The following KSR2 variants were observed in gnomAD, a reference collection of about 807,000 sequenced individuals.
The protein encoded by KSR2 is kinase suppressor of ras 2.
In KSR2, 25 loss-of-function variants were observed where a neutral mutation model predicts 107.8. That is an observed-to-expected ratio of 0.23 (90% CI 0.17 to 0.32). The LOEUF (loss-of-function observed/expected upper bound fraction) is 0.32, where lower values mean the gene tolerates loss of function less well. Ranked by LOEUF, KSR2 falls within the 10% of genes least tolerant of loss-of-function variation. The pLI is 1.00. For synonymous variants in KSR2, 480 were observed against 507.0 expected, an observed-to-expected ratio of 0.95 and a Z score of 0.71; for missense variants, 887 against 1,268.9, an observed-to-expected ratio of 0.70 and a Z score of 4.57.
chr12:117,779,928 T>C lies in KSR2; in HGVS notation c.473-18404A>G, dbSNP rs546350104. On this transcript the variant is annotated intron_variant, in intron 3 of 19. Coordinates refer to ENST00000339824, the MANE Select transcript of KSR2 (RefSeq NM_173598.6). ...ATTCTCTTCCCTTCCCCAGGCAGAA[T>C]GTGTGCATGCATCTTTTGATCAGAC... Among the ~76,000 whole-genome samples the C allele has an allele frequency of 3.9e-5, 6 of 152,326 alleles. No homozygotes were observed. The East Asian group carries it at 1.2e-3, about 29-fold the overall frequency.
intron 3 of KSR2, among the ~76,000 whole-genome samples, chr12:117,840,527 C>A (rs1892424572): frequency 6.6e-6 from 1 of 152,136 alleles, no homozygotes. Flanking sequence ...TCTCAAGTAA[C>A]TGGGACTATT....
intron 9 of KSR2, among the ~76,000 whole-genome samples, chr12:117,553,071 T>A (rs1361340703): frequency 6.6e-6 from 1 of 152,224 alleles, no homozygotes; most frequent in Non-Finnish European, 1.5e-5. Flanking sequence ...AACAGCCCCA[T>A]TTTACCTACG....
intron 4 of KSR2, among the ~76,000 whole-genome samples, chr12:117,760,299 G>T (rs1027825574): frequency 1.3e-5 from 2 of 152,068 alleles, no homozygotes; most frequent in African/African-American, 4.8e-5. Context: ...CCCCCAAAGG[G>T]GTCCTCTGTC....
At chr12:117,547,423 G>A (rs900277494) in intron 9 of KSR2, among the ~76,000 whole-genome samples, 2 of 152,130 alleles carry the variant, frequency 1.3e-5, no homozygotes, top group Non-Finnish European at 2.9e-5. Context: ...ACCTCAGCAG[G>A]TGTGGGAGGG....
At chr12:117,761,704 T>C (rs1451688067) in intron 3 of KSR2, among the ~76,000 whole-genome samples, 180 bp from the exon 4 acceptor site, 3 of 152,156 alleles carry the variant, frequency 2.0e-5, no homozygotes, top group African/African-American at 4.8e-5. Context: ...TTATATCTTA[T>C]GCACATTATA....
At chr12:117,817,221 A>T (rs140616301) in intron 3 of KSR2, among the ~76,000 whole-genome samples, 1 of 152,326 alleles carries the variant, frequency 6.6e-6, no homozygotes, top group African/African-American at 2.4e-5. Context: ...CTTCCTCCGG[A>T]AAATAAAGTT....
chr12:117,955,843 A>G (rs1270424799), intron 1 of KSR2, among the ~76,000 whole-genome samples: 1 of 119,436 alleles, frequency 8.4e-6, no homozygotes, highest in Non-Finnish European at 2.0e-5. Flanking sequence ...ATTTTCTAGT[A>G]GCCTCAGGGG....
chr12:117,466,778 T>C lies in KSR2; in HGVS notation c.*421A>G, dbSNP rs1011358638. 1.8e-5 allele frequency: 3 copies of C among 169,626 alleles called. No individual in the cohort carries two copies. Among genetic ancestry groups the C allele is most frequent in the Non-Finnish European group, 3.8e-5 (3 of 79,570 alleles). 10.5% of individuals were successfully genotyped at this position (169,626 alleles called of 1,614,324 possible). On this transcript the variant is annotated 3_prime_UTR_variant, in exon 20 of 20. Coordinates refer to ENST00000339824, the MANE Select transcript of KSR2 (RefSeq NM_173598.6). ...TGCCCCGTCATTGGGACAGTCTGGCTCTTGCTTGTCAAGGGGAAACAAGAG... is the reference window on the plus strand; with the variant it reads ...TGCCCCGTCATTGGGACAGTCTGGCCCTTGCTTGTCAAGGGGAAACAAGAG...
chr12:117,692,660 A>G lies in KSR2; in HGVS notation c.987-25002T>C, dbSNP rs11068629. Among the ~76,000 whole-genome samples, 700 of 152,012 alleles carry G rather than the reference A, an allele frequency of 4.6e-3. 25 individuals are homozygous for G. In the East Asian group the frequency reaches 0.084, roughly 18 times the overall value. On this transcript the variant is annotated intron_variant, in intron 4 of 19. Transcript: ENST00000339824. ...AAATATGGAAACAACCCAAATGTCC[A>G]TCAACAGATGAATAGATAAACAAAT...
At chr12:117,722,608 G>C (rs1050828292) in intron 4 of KSR2, among the ~76,000 whole-genome samples, 3 of 152,148 alleles carry the variant, frequency 2.0e-5, no homozygotes, top group African/African-American at 7.2e-5. Context: ...ACCCTATATG[G>C]TCTAAAAAGA....
intron 3 of KSR2, among the ~76,000 whole-genome samples, chr12:117,855,149 T>G (rs2137223122): frequency 6.6e-6 from 1 of 152,262 alleles, no homozygotes; most frequent in South Asian, 2.1e-4. Context: ...CTATTCACAC[T>G]CAATATTTTC....
intron 1 of KSR2, among the ~76,000 whole-genome samples, chr12:117,888,046 C>T (rs184895295): frequency 1.3e-5 from 2 of 152,292 alleles, no homozygotes; most frequent in Admixed American, 6.5e-5. Context: ...ACACCCAGTG[C>T]CTACCTGAAG....
intron 4 of KSR2, among the ~76,000 whole-genome samples, chr12:117,683,084 G>A (rs889241512): frequency 6.6e-6 from 1 of 152,080 alleles, no homozygotes; most frequent in Non-Finnish European, 1.5e-5. Context: ...AGGTGAGGGG[G>A]CTGTGGATTT....
chr12:117,638,418 G>A (rs1883205570), intron 5 of KSR2, among the ~76,000 whole-genome samples: 1 of 152,016 alleles, frequency 6.6e-6, no homozygotes, highest in Non-Finnish European at 1.5e-5. Context: ...TGGGCAGACA[G>A]CCACTGTGGG....
chr12:117,933,978 G>C (rs1253174221), intron 1 of KSR2, among the ~76,000 whole-genome samples: 1 of 152,174 alleles, frequency 6.6e-6, no homozygotes, highest in Non-Finnish European at 1.5e-5. Context: ...TGAGTGGAGG[G>C]AGAGCTATTA....
chr12:117,663,102 A>G (rs1033881746), intron 5 of KSR2, among the ~76,000 whole-genome samples: 2 of 152,220 alleles, frequency 1.3e-5, no homozygotes, highest in South Asian at 4.1e-4. Flanking sequence ...CCTTTGAGCA[A>G]GGCTGTCACC....
At chr12:117,714,615 G>A (rs928159018) in intron 4 of KSR2, among the ~76,000 whole-genome samples, 2 of 152,278 alleles carry the variant, frequency 1.3e-5, no homozygotes, top group Middle Eastern at 6.8e-3. Context: ...CTAGCAGCAC[G>A]CACTCTGGGG....
rs1302429375 is a variant in KSR2 at position 117,647,140 on chromosome 12, A to G, written c.1171+20334T>C. ...TCCAGACAGACAGACCTGAAGACAG[A>G]TGTGACGGAGGAAGAGAGTAAAGAG... On this transcript the variant is annotated intron_variant, in intron 5 of 19. Coordinates refer to ENST00000339824, the MANE Select transcript of KSR2 (RefSeq NM_173598.6). 5.9e-5 allele frequency among the ~76,000 whole-genome samples: 9 copies of G among 152,152 alleles called. No individual in the cohort carries two copies. The East Asian group carries it at 1.7e-3, about 29-fold the overall frequency.
chr12:117,559,440 T>C (rs74403726), intron 7 of KSR2, among the ~76,000 whole-genome samples: 5,113 of 152,284 alleles, frequency 0.034, 271 homozygotes, highest in African/African-American at 0.12. Context: ...TACTATGTCA[T>C]TTAATCTTCG....
Sources: gnomAD v4.1 joint callset for allele counts (sites outside exome capture counted in the v4.1 genomes callset) on GRCh38, gnomAD v4.1.1 for gene constraint, MANE v1.5 for transcripts, NCBI Gene and HGNC (gene_info 2026-07-23, HGNC 2026-07-21) for gene names.